Variants in ANO3 observed in about 807,000 individuals in gnomAD.
ANO3 encodes anoctamin 3, also known as anoctamin-3.
Under a neutral mutation model 144.8 loss-of-function variants are expected in ANO3, and 99 were observed. The observed-to-expected ratio is 0.68, with a 90% confidence interval of 0.58 to 0.81. The LOEUF (loss-of-function observed/expected upper bound fraction) is 0.81. Among genes scored for constraint, ANO3 ranks in the 30% least tolerant of loss-of-function variants. The pLI is 0.00. For synonymous variants in ANO3, 414 were observed against 392.6 expected (o/e 1.05, Z -0.64); for missense variants, 905 against 1,202.2 (o/e 0.75, Z 3.66).
intron 14 of ANO3, chr11:26,561,124 C>T: frequency 6.2e-7 from 1 of 1,612,784 alleles, no homozygotes; most frequent in Non-Finnish European, 8.5e-7. Flanking sequence ...CGTGCATTTT[C>T]TTCACTTTCT....
chr11:26,647,890 T>A (rs1853400867), intron 24 of ANO3, 34 bp downstream of exon 24: 1 of 1,579,664 alleles, frequency 6.3e-7, no homozygotes, highest in East Asian at 2.3e-5. Flanking sequence ...TCCTGATATG[T>A]TTTACATTTG....
chr11:26,524,394 A>G (rs1849110075), intron 6 of ANO3, among the ~76,000 whole-genome samples: 3 of 152,204 alleles, frequency 2.0e-5, no homozygotes, highest in Admixed American at 2.0e-4. Flanking sequence ...GGTATCTCCA[A>G]AAGTTTGCAG....
At chr11:26,382,430 C>G (rs557956984) in intron 1 of ANO3, among the ~76,000 whole-genome samples, 1 of 152,102 alleles carries the variant, frequency 6.6e-6, no homozygotes, top group East Asian at 1.9e-4. Context: ...ATACCTGGCT[C>G]GTCTGCTCTT....
chr11:26,431,346 TG>T (rs1858082926), intron 1 of ANO3, among the ~76,000 whole-genome samples: 3 of 152,358 alleles, frequency 2.0e-5, no homozygotes, highest in Admixed American at 6.5e-5. Flanking sequence ...TATTACATGA[TG>T]CTGAGATTTG....
chr11:26,291,102 G>T (rs138372556), intron 1 of ANO3, among the ~76,000 whole-genome samples: 1 of 152,098 alleles, frequency 6.6e-6, no homozygotes. Context: ...CCTGTATTGG[G>T]TGCATATATA....
intron 1 of ANO3, among the ~76,000 whole-genome samples, chr11:26,232,447 C>A (rs924094428): frequency 2.0e-5 from 3 of 152,034 alleles, no homozygotes; most frequent in African/African-American, 7.2e-5. Flanking sequence ...AAAAAAAATG[C>A]ATAGCCCTGA....
At chr11:26,524,300 A>G (rs890952774) in intron 6 of ANO3, among the ~76,000 whole-genome samples, 7 of 152,232 alleles carry the variant, frequency 4.6e-5, no homozygotes, top group Admixed American at 4.6e-4. Flanking sequence ...ACAAGTTTCA[A>G]TGTTCCATAT....
intron 1 of ANO3, among the ~76,000 whole-genome samples, chr11:26,347,476 C>T (rs945141765): frequency 6.6e-6 from 1 of 152,194 alleles, no homozygotes; most frequent in Admixed American, 6.5e-5. Flanking sequence ...TGAGACAAGA[C>T]CAGACTTCAA....
At chr11:26,485,017 G>A (rs1031989464) in intron 4 of ANO3, among the ~76,000 whole-genome samples, 3 of 152,048 alleles carry the variant, frequency 2.0e-5, no homozygotes, top group African/African-American at 7.3e-5. Flanking sequence ...ATTTTATATT[G>A]GAATCAACTG....
At chr11:26,320,481 T>C (rs1039885145) in intron 1 of ANO3, among the ~76,000 whole-genome samples, 1 of 152,204 alleles carries the variant, frequency 6.6e-6, no homozygotes, top group African/African-American at 2.4e-5. Flanking sequence ...TAAAAACTTC[T>C]GTTAAATGAA....
intron 4 of ANO3, among the ~76,000 whole-genome samples, chr11:26,500,568 G>C (rs1861152482): frequency 6.6e-6 from 1 of 151,956 alleles, no homozygotes; most frequent in Non-Finnish European, 1.5e-5. Flanking sequence ...AAGAATCTTT[G>C]AATGTGCTTG....
Position 26,553,224 on chromosome 11 carries a change from GTTTTTGT to G in ANO3, c.1290-20_1290-14del. 1 of 1,172,130 alleles carries G rather than the reference GTTTTTGT, an allele frequency of 8.5e-7. No homozygotes were observed. Among genetic ancestry groups the G allele is most frequent in the African/African-American group, 2.2e-5 (1 of 44,546 alleles). The allele number at this position is 1,172,130 out of a possible 1,614,324, so 72.6% of individuals were successfully genotyped here. Reference sequence around the variant, plus strand: ...ACAGTTTCATGCTATGTTTTGTTTTGTTTTTGTTTTTGTTTTTTCTCAAGCCAAGAAA... The same window carrying G: ...ACAGTTTCATGCTATGTTTTGTTTTGTTTTGTTTTTTCTCAAGCCAAGAAA... On this transcript the variant is annotated intron_variant, in intron 12 of 26. Transcript: ENST00000256737.
At chr11:26,549,469 G>A (rs757279473) in intron 12 of ANO3, among the ~76,000 whole-genome samples, 8 of 151,866 alleles carry the variant, frequency 5.3e-5, no homozygotes, top group Non-Finnish European at 1.2e-4. Flanking sequence ...GTGGACTTAC[G>A]TTAGCATAAT....
intron 1 of ANO3, among the ~76,000 whole-genome samples, chr11:26,408,901 C>T (rs1462911737): frequency 3.3e-5 from 5 of 151,454 alleles, no homozygotes; most frequent in African/African-American, 1.2e-4. Flanking sequence ...CACATGTTCT[C>T]ACTCATAGGT....
intron 1 of ANO3, among the ~76,000 whole-genome samples, chr11:26,271,215 A>G (rs1315220193): frequency 6.6e-6 from 1 of 152,242 alleles, no homozygotes; most frequent in East Asian, 1.9e-4. Flanking sequence ...TGATTCCAGT[A>G]AGAAATGTGT....
chr11:26,500,271 G>T (rs1201808115), intron 4 of ANO3, among the ~76,000 whole-genome samples: 1 of 151,874 alleles, frequency 6.6e-6, no homozygotes, highest in African/African-American at 2.4e-5. Flanking sequence ...GAAAATTGGT[G>T]TGCAAGTTTT....
intron 1 of ANO3, among the ~76,000 whole-genome samples, chr11:26,264,205 A>C (rs1853257192): frequency 6.6e-6 from 1 of 152,246 alleles, no homozygotes; most frequent in African/African-American, 2.4e-5. Flanking sequence ...CCAAGAAATT[A>C]AACTACAACA....
chr11:26,388,316 T>A (rs1367146477), intron 1 of ANO3, among the ~76,000 whole-genome samples: 1 of 151,990 alleles, frequency 6.6e-6, no homozygotes, highest in African/African-American at 2.4e-5. Context: ...ATTTTATATT[T>A]AAAATTTCAT....
At chr11:26,314,584 C>T (rs1854578875) in intron 1 of ANO3, among the ~76,000 whole-genome samples, 1 of 152,076 alleles carries the variant, frequency 6.6e-6, no homozygotes, top group South Asian at 2.1e-4. Flanking sequence ...AGCCAACCTT[C>T]CCCTCCTTCT....
Sources: gnomAD v4.1 joint callset for allele counts (sites outside exome capture counted in the v4.1 genomes callset) on GRCh38, gnomAD v4.1.1 for gene constraint, MANE v1.5 for transcripts, NCBI Gene and HGNC (gene_info 2026-07-23, HGNC 2026-07-21) for gene names.